The following ZFHX3 variants were observed in gnomAD, a reference collection of about 807,000 sequenced individuals.
ZFHX3 encodes zinc finger homeobox protein 3.
ZFHX3 carries 42 observed loss-of-function variants against 279.1 expected under a neutral mutation model. The observed-to-expected ratio is 0.15, with a 90% CI of 0.12 to 0.19. The LOEUF (loss-of-function observed/expected upper bound fraction) is 0.19, where lower values mean the gene tolerates loss of function less well. ZFHX3 is among the 10% of genes least tolerant of loss of function. The pLI is 1.00. For synonymous variants in ZFHX3, 2,293 were observed against 1,957.8 expected (o/e 1.17, Z -4.52); for missense variants, 4,981 against 4,754.0 (o/e 1.05, Z -1.40).
chr16:73,765,116 C>T (rs2142286194), intron 1 of ZFHX3, among the ~76,000 whole-genome samples: 1 of 152,238 alleles, frequency 6.6e-6, no homozygotes, highest in South Asian at 2.1e-4. Flanking sequence ...CCTTCATTTC[C>T]CTTAAATCCT....
In ZFHX3 at chr16:73,296,877, A is replaced by ATTTTTTTTT. The variant is rs201366558; in HGVS notation, c.-1194+21354_-1194+21362dup. ...TTTATAATTGCCATGTGAAGCAGGA[A>ATTTTTTTTT]TTTTTTTTTTTTTTTTTTTGAGACG... On this transcript the variant is annotated intron_variant, in intron 4 of 17. Coordinates refer to the ZFHX3 transcript ENST00000641206. 3.9e-4 allele frequency among the ~76,000 whole-genome samples: 45 copies of ATTTTTTTTT among 116,082 alleles called. 2 individuals are homozygous for ATTTTTTTTT. The highest frequency in any genetic ancestry group is 8.7e-4 in the African/African-American group (25 of 28,738). 76.2% of individuals were successfully genotyped at this position (116,082 alleles called of 152,430 possible).
chr16:73,211,792 G>A (rs1196805770), intron 5 of ZFHX3, among the ~76,000 whole-genome samples: 1 of 151,966 alleles, frequency 6.6e-6, no homozygotes, highest in African/African-American at 2.4e-5. Context: ...TTCTCCTGCA[G>A]TGGTTGAGTG....
At chr16:73,781,205 C>G (rs1959458145) in intron 1 of ZFHX3, among the ~76,000 whole-genome samples, 1 of 152,196 alleles carries the variant, frequency 6.6e-6, no homozygotes, top group Non-Finnish European at 1.5e-5. Flanking sequence ...CTGTATAAAT[C>G]TGGAATCACG....
chr16:73,142,005 C>A (rs776308060), intron 6 of ZFHX3, among the ~76,000 whole-genome samples: 1 of 152,214 alleles, frequency 6.6e-6, no homozygotes, highest in African/African-American at 2.4e-5. Flanking sequence ...GCAGGTAAAA[C>A]TGAACAAGGC....
chr16:72,926,970 G>C (rs955223218), intron 3 of ZFHX3, among the ~76,000 whole-genome samples: 2 of 152,224 alleles, frequency 1.3e-5, no homozygotes, highest in African/African-American at 4.8e-5. Flanking sequence ...AAGAGGTCAG[G>C]AGACAGAGAA....
chr16:73,132,649 T>C lies in ZFHX3; in HGVS notation c.-1023-1555A>G, dbSNP rs570271597. On this transcript the variant is annotated intron_variant, in intron 6 of 17. Transcript: ENST00000641206. ...AAAGCAATTGACAGCATCCCGGCCG[T>C]TTCTTACAGATCCCATATCCTGTGT... is the stretch of plus-strand genomic sequence containing the variant. Among the ~76,000 whole-genome samples, 10 of 152,254 alleles carry C rather than the reference T, an allele frequency of 6.6e-5. No homozygotes were observed. In the South Asian group the frequency reaches 1.9e-3, roughly 29 times the overall value.
At chr16:72,875,390 T>G in intron 4 of ZFHX3, among the ~76,000 whole-genome samples, 1 of 152,230 alleles carries the variant, frequency 6.6e-6, no homozygotes, top group Non-Finnish European at 1.5e-5. Flanking sequence ...CAGCTCCTCT[T>G]GGAAGCCCTC....
intron 3 of ZFHX3, among the ~76,000 whole-genome samples, chr16:72,902,609 T>C (rs2039066890): frequency 6.6e-6 from 1 of 152,222 alleles, no homozygotes; most frequent in Non-Finnish European, 1.5e-5. Context: ...TTTCCCTCCT[T>C]TTCCTGCTTT....
At chr16:73,057,423 G>A (rs1266629238) in intron 1 of ZFHX3, among the ~76,000 whole-genome samples, 2 of 151,996 alleles carry the variant, frequency 1.3e-5, no homozygotes, top group Admixed American at 6.5e-5. Context: ...GCAAAAAGAC[G>A]GACATTAAAA....
In ZFHX3 at chr16:72,787,962, G is replaced by A; in HGVS notation, c.10314C>T (p.Leu3438=). ...PREVSPLLPK[L]PEEPEAESKS... The stretch of plus-strand genomic sequence containing the variant: ...TGCTTTCTGCTTCTGGCTCTTCAGG[G>A]AGTTTCGGCAGGAGGGGGGACACCT... The change falls in exon 10 of 10, where the codon CTC becomes CTT. Residue 3438 remains leucine (L), a synonymous_variant. Coordinates refer to ENST00000268489, the MANE Select transcript of ZFHX3 (RefSeq NM_006885.4). 1 of 1,613,898 alleles carries A rather than the reference G, an allele frequency of 6.2e-7. No individual in the cohort carries two copies. The highest frequency in any genetic ancestry group is 8.5e-7 in the Non-Finnish European group (1 of 1,179,996).
intron 1 of ZFHX3, among the ~76,000 whole-genome samples, chr16:73,881,653 G>A (rs974040629): frequency 1.3e-5 from 2 of 151,664 alleles, no homozygotes; most frequent in Non-Finnish European, 2.9e-5. Flanking sequence ...ATTTGCTAGG[G>A]TTCCCACTAC....
chr16:72,989,211 G>A (rs1962970747), intron 1 of ZFHX3, among the ~76,000 whole-genome samples: 1 of 151,834 alleles, frequency 6.6e-6, no homozygotes, highest in African/African-American at 2.4e-5. Flanking sequence ...AGAGCCAGGT[G>A]CGGCTGTTCA....
At chr16:73,033,602 T>C (rs1289159215) in intron 1 of ZFHX3, among the ~76,000 whole-genome samples, 1 of 152,224 alleles carries the variant, frequency 6.6e-6, no homozygotes, top group East Asian at 1.9e-4. Context: ...ACAGCTGCGA[T>C]GCTCTGTCCC....
At chr16:73,682,862 GAAAGAAAGAA>G (rs2053027062) in intron 1 of ZFHX3, among the ~76,000 whole-genome samples, 1 of 27,314 alleles carries the variant, frequency 3.7e-5, no homozygotes, top group Non-Finnish European at 7.6e-5. Context: ...GAGAAAGAAA[GAAAGAAAGAA>G]AGAAAGAAAG....
chr16:73,409,986 G>C (rs1166458826), intron 3 of ZFHX3, among the ~76,000 whole-genome samples: 3 of 151,526 alleles, frequency 2.0e-5, no homozygotes, highest in African/African-American at 7.3e-5. Flanking sequence ...AGTGGGTGGG[G>C]CAGGGGGGTG....
chr16:73,154,705 G>C (rs1967030047), intron 5 of ZFHX3, among the ~76,000 whole-genome samples: 1 of 152,028 alleles, frequency 6.6e-6, no homozygotes, highest in Non-Finnish European at 1.5e-5. Flanking sequence ...ATATGTTCTG[G>C]GGAAAAAGTG....
At position 72,793,986 on chromosome 16, in the gene ZFHX3, G is replaced by A. The variant is rs376480243; in HGVS notation, c.8696C>T (p.Pro2899Leu). 1.2e-5 allele frequency: 20 copies of A among 1,614,090 alleles called. No homozygotes were observed. Among genetic ancestry groups the A allele is most frequent in the African/African-American group, 6.7e-5 (5 of 74,934 alleles). ...RLSSGLVSPA[P>L]SFYSKEYDNE... ...GTCATATTCCTTGCTATAAAAGCTC[G>A]GGGCCGGGCTGACCAGACCAGATGA... is the stretch of plus-strand genomic sequence containing the variant. The change falls in exon 9 of 10, where the codon CCG becomes CTG. Residue 2899 changes from proline to leucine, a missense_variant. By Grantham distance (98) the Pro-to-Leu change is moderately conservative. Coordinates refer to ENST00000268489, the MANE Select transcript of ZFHX3 (RefSeq NM_006885.4). This position sits in a 1 kb window ranked among gnomAD's most constrained non-coding sequence, Gnocchi z 4.3.
chr16:73,452,380 A>C, intron 3 of ZFHX3, among the ~76,000 whole-genome samples: 1 of 152,162 alleles, frequency 6.6e-6, no homozygotes, highest in East Asian at 1.9e-4. Flanking sequence ...TGTATATAAA[A>C]ATCACCTTTT....
intron 3 of ZFHX3, among the ~76,000 whole-genome samples, chr16:73,394,487 G>C (rs2017087647): frequency 6.6e-6 from 1 of 151,962 alleles, no homozygotes; most frequent in Non-Finnish European, 1.5e-5. Flanking sequence ...AGTAGAGATG[G>C]GGTATCATCA....
Sources: gnomAD v4.1 joint callset for allele counts (sites outside exome capture counted in the v4.1 genomes callset) on GRCh38, gnomAD v4.1.1 for gene constraint, Gnocchi (gnomAD v3.1) non-coding constraint, MANE v1.5 for transcripts, NCBI Gene and HGNC (gene_info 2026-07-23, HGNC 2026-07-21) for gene names.